COPZ1: variants seen among roughly 807,000 people sequenced by gnomAD.
COPZ1 encodes coatomer subunit zeta-1.
In COPZ1, 4 loss-of-function variants were observed where a neutral mutation model predicts 31.7. The observed-to-expected ratio is 0.13, with a 90% CI of 0.06 to 0.29. The LOEUF (loss-of-function observed/expected upper bound fraction) is 0.29. Among genes scored for constraint, COPZ1 ranks in the 10% least tolerant of loss-of-function variants. The probability of loss-of-function intolerance (pLI) is 1.00; values close to 1 mark genes in which losing one functional copy is unlikely to be tolerated. For synonymous variants in COPZ1, 74 were observed against 79.0 expected (o/e 0.94, Z 0.33); for missense variants, 156 against 211.5 (o/e 0.74, Z 1.63).
chr12:54,331,960 C>A (rs934205830), intron 1 of COPZ1, among the ~76,000 whole-genome samples: 3 of 152,158 alleles, frequency 2.0e-5, no homozygotes, highest in Non-Finnish European at 2.9e-5. Context: ...ACTGCTTTGT[C>A]CCTCATTTCT....
At chr12:54,350,026 G>A in intron 8 of COPZ1, 1 of 595,952 alleles carries the variant, frequency 1.7e-6, no homozygotes. Flanking sequence ...GGGCTAAGCT[G>A]GAAATGCATA....
At chr12:54,333,357 T>TA (rs947074607) in intron 1 of COPZ1, among the ~76,000 whole-genome samples, 2 of 152,134 alleles carry the variant, frequency 1.3e-5, no homozygotes, top group African/African-American at 2.4e-5. Context: ...CATGAAATCA[T>TA]AAAAAAATTT....
chr12:54,325,167 G>A lies in COPZ1; in HGVS notation c.4G>A (p.Glu2Lys). ...TCGGCACCAGCTGCGGGGCAAGATG[G>A]AGGCGCTGATTTTGGTAGGAGCTGG... M[E>K]ALILEPSLYT... Residue 2 changes from glutamate to lysine, a missense_variant, in exon 1 of 9, where the codon GAG (glutamate) becomes AAG (lysine). By Grantham distance (56) the Glu-to-Lys change is moderately conservative. Transcript: ENST00000262061. 5 of 1,562,772 alleles carry A rather than the reference G, an allele frequency of 3.2e-6. No individual in the cohort carries two copies. The highest frequency in any genetic ancestry group is 4.3e-6 in the Non-Finnish European group (5 of 1,153,904).
At chr12:54,343,691 G>A (rs958014736) in intron 4 of COPZ1, among the ~76,000 whole-genome samples, 1 of 152,170 alleles carries the variant, frequency 6.6e-6, no homozygotes, top group African/African-American at 2.4e-5. Context: ...GGGTCATGTT[G>A]AAACCATACA....
At chr12:54,340,688 A>T (rs2137102294) in intron 2 of COPZ1, 73 bp downstream of exon 2, 1 of 1,428,816 alleles carries the variant, frequency 7.0e-7, no homozygotes, top group South Asian at 1.3e-5. Flanking sequence ...TGGGACTGAT[A>T]CCTTATTAAC....
intron 1 of COPZ1, among the ~76,000 whole-genome samples, chr12:54,337,957 G>T (rs1953902824): frequency 6.6e-6 from 1 of 152,222 alleles, no homozygotes; most frequent in South Asian, 2.1e-4. Flanking sequence ...CCAGGGATAT[G>T]TTCTCTCTTT....
At chr12:54,332,277 C>G (rs751529477) in intron 1 of COPZ1, among the ~76,000 whole-genome samples, 1 of 151,304 alleles carries the variant, frequency 6.6e-6, no homozygotes, top group East Asian at 2.0e-4. Context: ...AGCCACTGCA[C>G]TCCAGCTTGG....
intron 1 of COPZ1, among the ~76,000 whole-genome samples, chr12:54,330,622 T>C (rs1243676920): frequency 6.6e-6 from 1 of 152,184 alleles, no homozygotes; most frequent in Non-Finnish European, 1.5e-5. Context: ...AGGTCTGCCT[T>C]GGGAGGCAGA....
intron 8 of COPZ1, 189 bp downstream of exon 8, chr12:54,349,847 C>T: frequency 3.0e-6 from 2 of 671,708 alleles, no homozygotes; most frequent in South Asian, 1.6e-5. Context: ...CAACTCCTTT[C>T]TCAGTTACCT....
At chr12:54,325,373 G>A (rs910415723) in intron 1 of COPZ1, 192 bp downstream of exon 1, 7 of 713,070 alleles carry the variant, frequency 9.8e-6, no homozygotes, top group Non-Finnish European at 1.6e-5. Context: ...AAGCCCTGCC[G>A]GGGAGAGGGC....
chr12:54,346,377 C>T (rs1001333465), intron 5 of COPZ1, among the ~76,000 whole-genome samples: 4 of 151,286 alleles, frequency 2.6e-5, no homozygotes, highest in African/African-American at 9.7e-5. Context: ...AAGCGATTCT[C>T]CTGCCTCAGC....
At chr12:54,337,350 G>A (rs147337448) in intron 1 of COPZ1, 26 of 528,424 alleles carry the variant, frequency 4.9e-5, no homozygotes, top group African/African-American at 3.5e-4. Context: ...GGGAAGAATA[G>A]ACCTTTTAAA....
chr12:54,335,512 G>A (rs1157158309), intron 1 of COPZ1, among the ~76,000 whole-genome samples: 2 of 151,856 alleles, frequency 1.3e-5, no homozygotes, highest in Non-Finnish European at 1.5e-5. Context: ...AGGTATAAGC[G>A]ATTCTCCTGC....
intron 3 of COPZ1, 104 bp downstream of exon 3, chr12:54,342,391 C>CTT: frequency 1.2e-6 from 1 of 821,342 alleles, no homozygotes; most frequent in Non-Finnish European, 2.0e-6. Context: ...CTGCCTTTTT[C>CTT]TTTTTTTTTC....
intron 1 of COPZ1, among the ~76,000 whole-genome samples, chr12:54,330,618 G>A (rs1160363570): frequency 6.6e-6 from 1 of 152,216 alleles, no homozygotes; most frequent in East Asian, 1.9e-4. Flanking sequence ...AGCCAGGTCT[G>A]CCTTGGGAGG....
At chr12:54,330,455 C>A (rs949220405) in intron 1 of COPZ1, among the ~76,000 whole-genome samples, 1 of 152,112 alleles carries the variant, frequency 6.6e-6, no homozygotes, top group Admixed American at 6.6e-5. Flanking sequence ...AGATTTCCGA[C>A]GTATTTATAT....
At chr12:54,330,035 CCT>C (rs1474564575) in intron 1 of COPZ1, among the ~76,000 whole-genome samples, 2 of 152,216 alleles carry the variant, frequency 1.3e-5, no homozygotes, top group East Asian at 3.9e-4. Flanking sequence ...CTGGCAGTCC[CCT>C]GTGCCCCTCT....
chr12:54,328,531 C>T (rs1183037066), intron 1 of COPZ1, among the ~76,000 whole-genome samples: 4 of 152,236 alleles, frequency 2.6e-5, no homozygotes, highest in Non-Finnish European at 4.4e-5. Flanking sequence ...CGCCACTGCA[C>T]TCCAGCCTGG....
At chr12:54,345,538 T>C (rs1954047160) in intron 5 of COPZ1, 23 bp downstream of exon 5, 5 of 1,588,734 alleles carry the variant, frequency 3.1e-6, no homozygotes, top group Middle Eastern at 3.3e-4. Context: ...TTCTTTTTTT[T>C]CCCCTCAAGT....
Sources: allele counts gnomAD v4.1 joint callset (sites outside exome capture counted in the v4.1 genomes callset), GRCh38; gene constraint gnomAD v4.1.1; transcripts MANE v1.5; gene names NCBI Gene and HGNC (gene_info 2026-07-23, HGNC 2026-07-21).